Variants in FARP2 observed in about 807,000 individuals in gnomAD.
FARP2 encodes the protein FERM, ARHGEF and pleckstrin domain-containing protein 2.
Under a neutral mutation model 130.5 loss-of-function variants are expected in FARP2, and 111 were observed. The observed-to-expected ratio is 0.85, with a 90% CI of 0.73 to 1.00. The LOEUF (loss-of-function observed/expected upper bound fraction) is 1.00. FARP2 is among the 50% of genes least tolerant of loss of function. The pLI, the probability that FARP2 is intolerant of heterozygous loss-of-function variation, is 0.00. For missense variants in FARP2, 1,385 were observed against 1,346.3 expected (o/e 1.03, Z -0.45); for synonymous variants, 504 against 516.9 (o/e 0.98, Z 0.34).
At chr2:241,456,079 A>C (rs1426890368) in intron 13 of FARP2, among the ~76,000 whole-genome samples, 2 of 152,146 alleles carry the variant, frequency 1.3e-5, no homozygotes, top group African/African-American at 4.8e-5. Flanking sequence ...ACAATGAAAT[A>C]TATTTCATCA....
intron 24 of FARP2, 161 bp from the exon 25 acceptor site, chr2:241,492,768 G>GACTT (rs752244957): frequency 3.4e-5 from 19 of 566,104 alleles, no homozygotes; most frequent in Non-Finnish European, 4.4e-5. Context: ...GCTTCTGTTG[G>GACTT]ACTTAAGTAC....
chr2:241,458,936 G>T (rs957306152), intron 14 of FARP2, among the ~76,000 whole-genome samples: 7 of 152,258 alleles, frequency 4.6e-5, no homozygotes, highest in African/African-American at 7.2e-5. Flanking sequence ...TGCCCTTGAG[G>T]AGTTGGTGGC....
At chr2:241,479,438 C>T (rs373940397) in intron 19 of FARP2, among the ~76,000 whole-genome samples, 1 of 152,254 alleles carries the variant, frequency 6.6e-6, no homozygotes, top group African/African-American at 2.4e-5. Flanking sequence ...TCTGCTCTGC[C>T]TCCCAGGTGG....
At chr2:241,472,006 GGGGAACCTGTTTTCT>G (rs1468207760) in intron 18 of FARP2, among the ~76,000 whole-genome samples, 1 of 126,590 alleles carries the variant, frequency 7.9e-6, no homozygotes, top group African/African-American at 2.8e-5. Context: ...CCTGTTATGT[GGGGAACCTGTTTTCT>G]GGGAACACTG....
In FARP2 at chr2:241,491,596, C is replaced by T. The variant is rs1293562723; in HGVS notation, c.2704C>T (p.Gln902Ter). Residue 902 changes from glutamine (Q) to a stop codon, truncating the protein, a stop_gained, in exon 24 of 27, where the codon CAG becomes TAG. Coordinates refer to ENST00000264042, the MANE Select transcript of FARP2 (RefSeq NM_014808.4). LOFTEE classifies it high-confidence loss of function. ...GVRSSLEGHG[Q>*]HRANTTMHVC... ...CCGCAGCTCCCTGGAGGGGCATGGCCAGCACCGGGCCAACACCACAATGCA... is the reference window on the plus strand; with the variant it reads ...CCGCAGCTCCCTGGAGGGGCATGGCTAGCACCGGGCCAACACCACAATGCA... 1 of 1,613,802 alleles carries T rather than the reference C, an allele frequency of 6.2e-7. No individual in the cohort carries two copies. Among genetic ancestry groups the T allele is most frequent in the South Asian group, 1.1e-5 (1 of 91,072 alleles).
At chr2:241,360,254 G>A (rs192200068) in intron 1 of FARP2, among the ~76,000 whole-genome samples, 23 of 152,352 alleles carry the variant, frequency 1.5e-4, no homozygotes, top group African/African-American at 4.8e-4. Flanking sequence ...GGCAGAGGTA[G>A]ATGCCAGGTT....
At chr2:241,363,258 C>T (rs1461464146) in intron 1 of FARP2, among the ~76,000 whole-genome samples, 1 of 152,204 alleles carries the variant, frequency 6.6e-6, no homozygotes, top group Non-Finnish European at 1.5e-5. Flanking sequence ...TTTTTTCCCT[C>T]TTGCTTCCTC....
At chr2:241,441,756 G>C (rs778865857) in intron 13 of FARP2, 200 bp downstream of exon 13, 2 of 763,848 alleles carry the variant, frequency 2.6e-6, no homozygotes, top group East Asian at 2.7e-5. Context: ...AGTGTCGTGG[G>C]GGGGCCCCTG....
In FARP2 at chr2:241,403,832, A is replaced by G. The variant is rs373166358; in HGVS notation, c.188A>G (p.Lys63Arg). Residue 63 changes from lysine to arginine, a missense_variant, in exon 3 of 27, where the codon AAA (lysine) becomes AGA (arginine). Transcript: ENST00000264042. ...NTMEIFDIEP[K>R]CDGQVLLTQV... ...TTCCCATCTCTCTCTGCACAGCCTAAATGCGATGGCCAGGTATTACTGACA... is the reference window on the plus strand; with the variant it reads ...TTCCCATCTCTCTCTGCACAGCCTAGATGCGATGGCCAGGTATTACTGACA... 1 of 1,609,576 alleles carries G rather than the reference A, an allele frequency of 6.2e-7. No homozygotes were observed. The highest frequency in any genetic ancestry group is 8.5e-7 in the Non-Finnish European group (1 of 1,175,920).
chr2:241,379,928 G>T (rs762247982), intron 2 of FARP2, among the ~76,000 whole-genome samples: 3 of 152,180 alleles, frequency 2.0e-5, no homozygotes, highest in African/African-American at 7.2e-5. Context: ...ATGTGGTAGG[G>T]TGGTGCACAG....
chr2:241,458,435 G>A (rs972233069), intron 14 of FARP2, among the ~76,000 whole-genome samples: 2 of 152,150 alleles, frequency 1.3e-5, no homozygotes, highest in Non-Finnish European at 2.9e-5. Context: ...CTCTCAGCAG[G>A]TAGGATGGCA....
At position 241,466,237 on chromosome 2, in the gene FARP2, C is replaced by T. The variant is rs1452082569; in HGVS notation, c.1894-1903C>T. On this transcript the variant is annotated intron_variant, in intron 17 of 26. Transcript: ENST00000264042. Reference sequence around the variant, plus strand: ...CAGAGCCCGGGCCCCTGTCCCCCTACAGTGCAAGTGTGGTCCCTGGAGCCC... The same window carrying T: ...CAGAGCCCGGGCCCCTGTCCCCCTATAGTGCAAGTGTGGTCCCTGGAGCCC... 4 of 985,326 alleles carry T rather than the reference C, an allele frequency of 4.1e-6. No homozygotes were observed. In the African/African-American group the frequency reaches 7.0e-5, roughly 17 times the overall value. The allele number at this position is 985,326 out of a possible 1,614,324, so 61.0% of individuals were successfully genotyped here. A position where few individuals can be genotyped will look rare whatever the true frequency, so the allele number is the denominator to read the frequency against.
rs759742185 is a variant in FARP2 at position 241,462,620 on chromosome 2, AGTCCT to A, written c.1677+9_1677+13del. 1.3e-6 allele frequency: 2 copies of A among 1,554,954 alleles called. No individual in the cohort carries two copies. Among genetic ancestry groups the A allele is most frequent in the South Asian group, 2.2e-5 (2 of 89,782 alleles). On this transcript the variant is annotated intron_variant, in intron 15 of 26. Transcript: ENST00000264042. ...TTAGAAGTTATTACCGTGGTACGAA[AGTCCT>A]TGATTACTTTGATTTTTTTTTAAAA...
At chr2:241,474,945 G>C (rs1272660557) in intron 18 of FARP2, among the ~76,000 whole-genome samples, 1 of 152,068 alleles carries the variant, frequency 6.6e-6, no homozygotes, top group Non-Finnish European at 1.5e-5. Flanking sequence ...GCTATGCTAC[G>C]CCACCACTCT....
rs555333378 is a variant in FARP2, at chr2:241,375,907, A to T, written c.183+2617A>T. Reference sequence around the variant, plus strand: ...TGTGCCAGCTTGGGGTATTTTTTACATTGTGTTGCCTGCTGATACACACCT... The same window carrying T: ...TGTGCCAGCTTGGGGTATTTTTTACTTTGTGTTGCCTGCTGATACACACCT... On this transcript the variant is annotated intron_variant, in intron 2 of 26. Coordinates refer to ENST00000264042, the MANE Select transcript of FARP2 (RefSeq NM_014808.4). 8.5e-5 allele frequency among the ~76,000 whole-genome samples: 13 copies of T among 152,184 alleles called. 1 individual carries two copies. Among genetic ancestry groups the T allele is most frequent in the South Asian group, 8.3e-4 (4 of 4,816 alleles).
chr2:241,378,362 C>T (rs11681267), intron 2 of FARP2, among the ~76,000 whole-genome samples: 6 of 150,200 alleles, frequency 4.0e-5, no homozygotes, highest in Non-Finnish European at 7.4e-5. Flanking sequence ...CCGCCTCCCC[C>T]CCTCGGCCTC....
chr2:241,378,643 C>G (rs1310811796), intron 2 of FARP2, among the ~76,000 whole-genome samples: 2 of 151,976 alleles, frequency 1.3e-5, no homozygotes, highest in Non-Finnish European at 2.9e-5. Flanking sequence ...CTCTTGGTCT[C>G]TAGCAATCCT....
chr2:241,400,627 C>G (rs1348895680), intron 2 of FARP2, among the ~76,000 whole-genome samples: 2 of 152,184 alleles, frequency 1.3e-5, no homozygotes, highest in African/African-American at 2.4e-5. Context: ...GAATTCTTCT[C>G]TAAGGGAATA....
intron 13 of FARP2, among the ~76,000 whole-genome samples, chr2:241,450,369 A>C (rs1452778445): frequency 6.6e-6 from 1 of 150,986 alleles, no homozygotes. Context: ...TCTCAACCAA[A>C]AAAACAAAAC....
Sources: gnomAD v4.1 joint callset for allele counts (sites outside exome capture counted in the v4.1 genomes callset) on GRCh38, gnomAD v4.1.1 for gene constraint, MANE v1.5 for transcripts, NCBI Gene and HGNC (gene_info 2026-07-23, HGNC 2026-07-21) for gene names.